INSYN2B: variants seen among roughly 807,000 people sequenced by gnomAD.
INSYN2B encodes the protein protein INSYN2B.
INSYN2B carries 16 observed loss-of-function variants against 41.2 expected under a neutral mutation model. The observed-to-expected ratio is 0.39, with a 90% CI of 0.26 to 0.59. The LOEUF is 0.59. Among genes scored for constraint, INSYN2B ranks in the 20% least tolerant of loss-of-function variants. The pLI is 0.57. For synonymous variants in INSYN2B, 245 were observed against 244.4 expected, an observed-to-expected ratio of 1.00 and a Z score of -0.02; for missense variants, 608 against 646.4, an observed-to-expected ratio of 0.94 and a Z score of 0.64.
intron 3 of INSYN2B, among the ~76,000 whole-genome samples, chr5:169,872,827 A>C (rs1772070469): frequency 6.6e-6 from 1 of 152,228 alleles, no homozygotes; most frequent in Non-Finnish European, 1.5e-5. Context: ...CAGATCACTT[A>C]ACCTCTCTGA....
intron 1 of INSYN2B, among the ~76,000 whole-genome samples, chr5:169,969,075 A>C (rs1033756495): frequency 6.6e-6 from 1 of 152,160 alleles, no homozygotes; most frequent in African/African-American, 2.4e-5. Flanking sequence ...GCTTGAGCCC[A>C]GCAAGTCAAG....
At chr5:169,963,597 C>G (rs985006696) in intron 1 of INSYN2B, among the ~76,000 whole-genome samples, 22 of 152,156 alleles carry the variant, frequency 1.4e-4, no homozygotes, top group Non-Finnish European at 2.5e-4. Context: ...CACAGCCGTT[C>G]CCCTCCGGTG....
intron 1 of INSYN2B, among the ~76,000 whole-genome samples, chr5:169,977,570 C>T (rs985720312): frequency 6.6e-6 from 1 of 152,194 alleles, no homozygotes; most frequent in African/African-American, 2.4e-5. Flanking sequence ...TGCTCGAGGT[C>T]ACAAAACTAG....
At chr5:169,864,704 C>T (rs1305637759) in intron 3 of INSYN2B, among the ~76,000 whole-genome samples, 8 of 152,148 alleles carry the variant, frequency 5.3e-5, no homozygotes, top group Non-Finnish European at 8.8e-5. Context: ...GTCAGTGAGA[C>T]CTGATGGCAA....
intron 3 of INSYN2B, among the ~76,000 whole-genome samples, chr5:169,876,981 A>G (rs943833427): frequency 1.3e-5 from 2 of 152,226 alleles, no homozygotes; most frequent in African/African-American, 4.8e-5. Flanking sequence ...TATAAACACC[A>G]TATTACAATG....
intron 1 of INSYN2B, among the ~76,000 whole-genome samples, chr5:169,949,036 C>A (rs1465449146): frequency 6.6e-6 from 1 of 152,196 alleles, no homozygotes; most frequent in Non-Finnish European, 1.5e-5. Context: ...ACCTTAGAAT[C>A]ACCACGTTCC....
At chr5:169,940,719 C>T (rs1218717052) in intron 1 of INSYN2B, among the ~76,000 whole-genome samples, 1 of 152,170 alleles carries the variant, frequency 6.6e-6, no homozygotes, top group Non-Finnish European at 1.5e-5. Context: ...ACTGATCTGA[C>T]AGGAGGGGGA....
At chr5:169,957,160 G>A (rs1173184470) in intron 1 of INSYN2B, among the ~76,000 whole-genome samples, 7 of 152,264 alleles carry the variant, frequency 4.6e-5, no homozygotes, top group South Asian at 4.1e-4. Context: ...GCTTCTCATT[G>A]CCTGGTATGG....
At chr5:169,922,970 G>A (rs944331696) in intron 1 of INSYN2B, among the ~76,000 whole-genome samples, 3 of 152,088 alleles carry the variant, frequency 2.0e-5, no homozygotes, top group East Asian at 1.9e-4. Context: ...TGTAAATATC[G>A]AATTGTGAAT....
At chr5:169,948,197 G>A (rs1776520778) in intron 1 of INSYN2B, among the ~76,000 whole-genome samples, 1 of 152,116 alleles carries the variant, frequency 6.6e-6, no homozygotes, top group African/African-American at 2.4e-5. Flanking sequence ...TTATTTGTCT[G>A]CTGTGACCTA....
chr5:169,898,744 T>G (rs904967499), intron 1 of INSYN2B, among the ~76,000 whole-genome samples: 2 of 152,200 alleles, frequency 1.3e-5, no homozygotes, highest in East Asian at 3.9e-4. Context: ...CGTTGTAGCC[T>G]GAAAGCACAC....
At chr5:169,954,397 T>C (rs575210274) in intron 1 of INSYN2B, among the ~76,000 whole-genome samples, 3 of 152,390 alleles carry the variant, frequency 2.0e-5, no homozygotes, top group Admixed American at 2.0e-4. Flanking sequence ...TTATCTATTT[T>C]GATTTTTCAG....
intron 1 of INSYN2B, among the ~76,000 whole-genome samples, chr5:169,913,061 T>C (rs1050318002): frequency 2.0e-5 from 3 of 152,216 alleles, no homozygotes; most frequent in Non-Finnish European, 4.4e-5. Context: ...AAGCCTTCTT[T>C]CTAAATGCAT....
At chr5:169,904,211 G>A (rs1057193725) in intron 1 of INSYN2B, among the ~76,000 whole-genome samples, 6 of 151,918 alleles carry the variant, frequency 3.9e-5, no homozygotes, top group Admixed American at 2.6e-4. Context: ...TTGGCAAGAA[G>A]CCTGATGATT....
intron 1 of INSYN2B, among the ~76,000 whole-genome samples, chr5:169,918,334 C>T (rs1008757512): frequency 2.6e-5 from 4 of 152,238 alleles, no homozygotes; most frequent in Admixed American, 6.5e-5. Flanking sequence ...TATAACCCAG[C>T]GATTCTTCTG....
chr5:169,958,321 C>T (rs1215649862), intron 1 of INSYN2B, among the ~76,000 whole-genome samples: 3 of 152,160 alleles, frequency 2.0e-5, no homozygotes, highest in Admixed American at 6.5e-5. Flanking sequence ...TGCCTTCCTT[C>T]TCCATTCTAA....
chr5:169,974,004 G>T (rs927290261), intron 1 of INSYN2B, among the ~76,000 whole-genome samples: 2 of 152,148 alleles, frequency 1.3e-5, no homozygotes, highest in African/African-American at 4.8e-5. Flanking sequence ...GAGGTGGTGA[G>T]GTGGACGATC....
At chr5:169,932,463 T>C (rs1438993733) in intron 1 of INSYN2B, among the ~76,000 whole-genome samples, 2 of 152,026 alleles carry the variant, frequency 1.3e-5, no homozygotes, top group African/African-American at 4.8e-5. Flanking sequence ...GAGGGAGGCT[T>C]TGGAGATCTC....
intron 1 of INSYN2B, among the ~76,000 whole-genome samples, chr5:169,971,207 G>T (rs1346489123): frequency 2.7e-5 from 4 of 150,548 alleles, no homozygotes; most frequent in Non-Finnish European, 5.9e-5. Context: ...AAATGAGTAT[G>T]ACATCATCTG....
Sources: allele counts gnomAD v4.1 joint callset (sites outside exome capture counted in the v4.1 genomes callset), GRCh38; gene constraint gnomAD v4.1.1; transcripts MANE v1.5; gene names NCBI Gene and HGNC (gene_info 2026-07-23, HGNC 2026-07-21).